Variants in PTK2 observed in about 807,000 individuals in gnomAD.
PTK2 encodes focal adhesion kinase 1.
A neutral mutation model predicts 150.1 loss-of-function variants in PTK2; 45 were observed. That is an observed-to-expected ratio of 0.30 (90% CI 0.24 to 0.38). PTK2 has a LOEUF of 0.38. PTK2 is among the 10% of genes least tolerant of loss of function. The probability of loss-of-function intolerance (pLI) is 1.00; values close to 1 mark genes in which losing one functional copy is unlikely to be tolerated. For missense variants in PTK2, 919 were observed against 1,307.3 expected (o/e 0.70, Z 4.58); for synonymous variants, 432 against 449.2 (o/e 0.96, Z 0.48).
At chr8:140,737,667 G>C (rs2100053368) in intron 21 of PTK2, among the ~76,000 whole-genome samples, 1 of 152,156 alleles carries the variant, frequency 6.6e-6, no homozygotes, top group Non-Finnish European at 1.5e-5. Context: ...AACTCTACTT[G>C]AGTGGAAAGC....
At position 140,950,690 on chromosome 8, in the gene PTK2, G is replaced by A. The variant is rs141070756; in HGVS notation, c.-121-24941C>T. 1.6e-4 allele frequency among the ~76,000 whole-genome samples: 25 copies of A among 152,302 alleles called. 1 individual carries two copies. The highest frequency in any genetic ancestry group is 1.5e-3 in the East Asian group (8 of 5,182). The stretch of plus-strand genomic sequence containing the variant: ...CACCGTGATTTCTGGCTGGTGAAGC[G>A]GCATCCCAAAGATCCTGTGACACTA... On this transcript the variant is annotated intron_variant, in intron 1 of 31. Transcript: ENST00000522684.
chr8:140,671,794 T>TG (rs1190035337), intron 29 of PTK2, among the ~76,000 whole-genome samples: 4 of 144,666 alleles, frequency 2.8e-5, no homozygotes, highest in Non-Finnish European at 6.0e-5. Flanking sequence ...TAGATGGGCC[T>TG]GGTGGCGGGT....
At chr8:140,829,869 T>A (rs1449544572) in intron 8 of PTK2, among the ~76,000 whole-genome samples, 1 of 152,094 alleles carries the variant, frequency 6.6e-6, no homozygotes, top group African/African-American at 2.4e-5. Context: ...AAAGTTTGTA[T>A]CCCCTGCTGC....
At chr8:140,661,389 G>A (rs1364804293) in intron 31 of PTK2, among the ~76,000 whole-genome samples, 3 of 152,182 alleles carry the variant, frequency 2.0e-5, no homozygotes, top group Non-Finnish European at 1.5e-5. Flanking sequence ...ATGAGAGATG[G>A]AAGGTGTGTG....
chr8:140,955,459 C>G (rs1287012654), intron 1 of PTK2, among the ~76,000 whole-genome samples: 1 of 152,218 alleles, frequency 6.6e-6, no homozygotes, highest in Non-Finnish European at 1.5e-5. Flanking sequence ...TCAATTGAAC[C>G]TCTTTCCTTT....
At chr8:140,765,294 T>C (rs2100071705) in intron 14 of PTK2, 1 of 152,234 alleles carries the variant, frequency 6.6e-6, no homozygotes, top group South Asian at 2.1e-4. Flanking sequence ...AAGTTCTTTC[T>C]TCTGTGACGC....
At chr8:140,885,900 C>T (rs988231161) in intron 3 of PTK2, among the ~76,000 whole-genome samples, 1 of 152,056 alleles carries the variant, frequency 6.6e-6, no homozygotes. Flanking sequence ...GTGAAGTGCT[C>T]TGGCTTTCAT....
chr8:141,000,638 C>G (rs919315962), intron 1 of PTK2, among the ~76,000 whole-genome samples: 1 of 151,216 alleles, frequency 6.6e-6, no homozygotes, highest in African/African-American at 2.4e-5. Flanking sequence ...TCAGGCCCCT[C>G]GGCCTCTCCG....
At position 140,665,460 on chromosome 8, in the gene PTK2, G is replaced by A. The variant is rs566281707; in HGVS notation, c.2866-463C>T. On this transcript the variant is annotated intron_variant, in intron 30 of 31. Transcript: ENST00000522684. Reference sequence around the variant, plus strand: ...TGGCCAGAGATGACACCACTGCCCCGGATGCAAGGGGGCAGCCTTGCTTTG... The same window carrying A: ...TGGCCAGAGATGACACCACTGCCCCAGATGCAAGGGGGCAGCCTTGCTTTG... 1.2e-4 allele frequency among the ~76,000 whole-genome samples: 18 copies of A among 152,220 alleles called. No homozygotes were observed. In the East Asian group the frequency reaches 2.1e-3, roughly 18 times the overall value.
At chr8:140,906,177 C>A (rs2100160800) in intron 2 of PTK2, among the ~76,000 whole-genome samples, 1 of 152,082 alleles carries the variant, frequency 6.6e-6, no homozygotes. Flanking sequence ...TACCATCTCA[C>A]CTCAGTTGTA....
chr8:140,693,753 CA>C (rs765292852), intron 26 of PTK2, among the ~76,000 whole-genome samples: 1 of 151,790 alleles, frequency 6.6e-6, no homozygotes, highest in Non-Finnish European at 1.5e-5. Flanking sequence ...CTGAAGTACT[CA>C]AAAAGTAAGA....
At chr8:140,962,182 C>G (rs1356163395) in intron 1 of PTK2, among the ~76,000 whole-genome samples, 1 of 143,998 alleles carries the variant, frequency 6.9e-6, no homozygotes, top group African/African-American at 2.6e-5. Flanking sequence ...GATCACACCA[C>G]TGCCTGGGCA....
intron 3 of PTK2, among the ~76,000 whole-genome samples, chr8:140,883,878 T>A (rs950820655): frequency 2.6e-5 from 4 of 152,158 alleles, no homozygotes; most frequent in African/African-American, 9.7e-5. Context: ...ATCACAAGTA[T>A]GAAATGGGTC....
intron 3 of PTK2, among the ~76,000 whole-genome samples, chr8:140,886,449 C>A (rs769739094): frequency 2.0e-5 from 3 of 151,978 alleles, no homozygotes; most frequent in African/African-American, 4.8e-5. Context: ...CACAGGATGG[C>A]GACAGGTGGA....
intron 15 of PTK2, among the ~76,000 whole-genome samples, chr8:140,763,066 G>A (rs1293047491): frequency 3.3e-5 from 5 of 152,138 alleles, no homozygotes; most frequent in African/African-American, 4.8e-5. Context: ...ACAGATGTGC[G>A]CCACCATGCC....
At chr8:140,769,465 G>T in intron 14 of PTK2, 110 bp downstream of exon 16, 2 of 616,664 alleles carry the variant, frequency 3.2e-6, no homozygotes, top group Non-Finnish European at 4.7e-6. Context: ...TTTTGTACTT[G>T]GTTCTGTTGG....
chr8:140,658,410 T>TAAC (rs1386751669), exon 32 of PTK2: 1 of 182,946 alleles, frequency 5.5e-6, no homozygotes, highest in Non-Finnish European at 1.2e-5. Context: ...ACTTTACTGG[T>TAAC]AACACCTTTT....
chr8:140,936,052 T>C (rs1198378916), intron 1 of PTK2, among the ~76,000 whole-genome samples: 1 of 152,136 alleles, frequency 6.6e-6, no homozygotes, highest in Non-Finnish European at 1.5e-5. Flanking sequence ...GGCATGCATC[T>C]GTAGTCCCGG....
Position 140,793,453 on chromosome 8 carries a change from C to T in PTK2, c.1094-69G>A, listed in dbSNP as rs73371902. 1,162 of 1,556,714 alleles carry T rather than the reference C, an allele frequency of 7.5e-4. 11 individuals are homozygous for T. The African/African-American group carries it at 0.015, about 20-fold the overall frequency. On this transcript the variant is annotated intron_variant, in intron 12 of 31. Coordinates refer to ENST00000522684, the Ensembl canonical transcript of PTK2. ...CTTTTGAAAAGATGGTGCCTAGAAT[C>T]AGGGAGGAAGGATGAGGCCTATACT...
Sources: allele counts gnomAD v4.1 joint callset (sites outside exome capture counted in the v4.1 genomes callset), GRCh38; gene constraint gnomAD v4.1.1; transcripts MANE v1.5; gene names NCBI Gene and HGNC (gene_info 2026-07-23, HGNC 2026-07-21).